Variants in TMPRSS2 observed in about 807,000 individuals in gnomAD.
TMPRSS2 encodes transmembrane protease serine 2.
A neutral mutation model predicts 67.4 loss-of-function variants in TMPRSS2; 59 were observed. The observed-to-expected ratio is 0.88, with a 90% confidence interval of 0.71 to 1.09. TMPRSS2 has a LOEUF of 1.09. Ranked by LOEUF, TMPRSS2 falls within the 50% of genes least tolerant of loss-of-function variation. The pLI, the probability that TMPRSS2 is intolerant of heterozygous loss-of-function variation, is 0.00. For synonymous variants in TMPRSS2, 257 were observed against 257.0 expected, an observed-to-expected ratio of 1.00 and a Z score of 0.00; for missense variants, 668 against 642.7, an observed-to-expected ratio of 1.04 and a Z score of -0.43.
intron 13 of TMPRSS2, among the ~76,000 whole-genome samples, chr21:41,467,388 C>CA (rs1216161241): frequency 0.051 from 5,807 of 113,692 alleles, 402 homozygotes; most frequent in African/African-American, 0.17. Context: ...GACTCCATCT[C>CA]AAAAAAAAAA....
At chr21:41,481,960 C>A (rs1015418937) in intron 5 of TMPRSS2, among the ~76,000 whole-genome samples, 10 of 152,014 alleles carry the variant, frequency 6.6e-5, no homozygotes, top group African/African-American at 1.9e-4. Flanking sequence ...ACTTGGGAGG[C>A]TGAGGCAGGG....
intron 5 of TMPRSS2, among the ~76,000 whole-genome samples, chr21:41,482,549 C>G (rs1339286575): frequency 6.6e-6 from 1 of 152,204 alleles, no homozygotes; most frequent in Admixed American, 6.5e-5. Flanking sequence ...TATGCTCTAG[C>G]CTCTCTTCTT....
At chr21:41,479,889 C>T (rs1192406503) in intron 6 of TMPRSS2, among the ~76,000 whole-genome samples, 1 of 152,148 alleles carries the variant, frequency 6.6e-6, no homozygotes, top group Non-Finnish European at 1.5e-5. Flanking sequence ...GTAACCACCG[C>T]CCCACCCCCG....
chr21:41,483,571 C>G (rs1456935408), intron 5 of TMPRSS2, among the ~76,000 whole-genome samples: 1 of 143,354 alleles, frequency 7.0e-6, no homozygotes, highest in Non-Finnish European at 1.5e-5. Context: ...GCGGGGATTA[C>G]AGGCGTGAGC....
At chr21:41,481,745 G>A (rs1014952523) in intron 5 of TMPRSS2, among the ~76,000 whole-genome samples, 1 of 151,926 alleles carries the variant, frequency 6.6e-6, no homozygotes, top group African/African-American at 2.4e-5. Context: ...ACATAAATTA[G>A]ATCTCAATAA....
intron 5 of TMPRSS2, among the ~76,000 whole-genome samples, chr21:41,484,408 A>G (rs942233658): frequency 1.3e-5 from 2 of 152,198 alleles, no homozygotes; most frequent in Non-Finnish European, 2.9e-5. Context: ...GTGTTAAAAT[A>G]TGCGCACACA....
At chr21:41,467,368 GAC>G (rs2091093788) in intron 13 of TMPRSS2, among the ~76,000 whole-genome samples, 1 of 148,776 alleles carries the variant, frequency 6.7e-6, no homozygotes, top group African/African-American at 2.5e-5. Flanking sequence ...CAGCCTGGGC[GAC>G]ACAGTGAGAC....
chr21:41,494,687 A>G, intron 2 of TMPRSS2, 109 bp from the exon 3 acceptor site: 1 of 1,038,418 alleles, frequency 9.6e-7, no homozygotes, highest in Non-Finnish European at 1.5e-6. Context: ...TTTTAAATTG[A>G]TAATGTTTTT....
chr21:41,500,374 C>T lies in TMPRSS2; in HGVS notation c.-56-2185G>A, dbSNP rs368646465. 7.2e-5 allele frequency among the ~76,000 whole-genome samples: 11 copies of T among 152,310 alleles called. No homozygotes were observed. In the South Asian group the frequency reaches 1.4e-3, roughly 20 times the overall value. ...GAAGGAAAAGAGGGCTGTCTTGATTCGCAGGTTTGCCTTCGGTAAGTATTC... is the reference window on the plus strand; with the variant it reads ...GAAGGAAAAGAGGGCTGTCTTGATTTGCAGGTTTGCCTTCGGTAAGTATTC... On this transcript the variant is annotated intron_variant, in intron 1 of 13. Coordinates refer to ENST00000332149, the MANE Select transcript of TMPRSS2 (RefSeq NM_005656.4).
At chr21:41,506,296 G>A (rs2146516040) in intron 1 of TMPRSS2, 1 of 152,402 alleles carries the variant, frequency 6.6e-6, no homozygotes, top group African/African-American at 2.4e-5. Flanking sequence ...AGCCCAGCCA[G>A]CTCACCAGCT....
Position 41,471,885 on chromosome 21 carries a change from A to C in TMPRSS2, c.996T>G (p.Ile332Met), listed in dbSNP as rs961842260. Reference sequence around the variant, plus strand: ...TCTTGGAGTCATAATTTGGATGAGAAATCACTTTTTCTACTTGGTATCCGG... The same window carrying C: ...TCTTGGAGTCATAATTTGGATGAGACATCACTTTTTCTACTTGGTATCCGG... ...YGAGYQVEKV[I>M]SHPNYDSKTK... The change falls in exon 10 of 14, where the codon ATT becomes ATG. Residue 332 changes from isoleucine (I) to methionine (M), a missense_variant. Transcript: ENST00000332149. The C allele has an allele frequency of 1.2e-6, 2 of 1,613,596 alleles. No individual in the cohort carries two copies. Among genetic ancestry groups the C allele is most frequent in the Non-Finnish European group, 1.7e-6 (2 of 1,179,890 alleles).
intron 1 of TMPRSS2, among the ~76,000 whole-genome samples, chr21:41,505,345 C>G (rs947541287): frequency 6.6e-6 from 1 of 152,166 alleles, no homozygotes; most frequent in Admixed American, 6.5e-5. Flanking sequence ...GGAATCTTGC[C>G]GCAGATTCAG....
Position 41,488,598 on chromosome 21 carries a change from G to A in TMPRSS2, c.326-85C>T. 5 of 1,442,348 alleles carry A rather than the reference G, an allele frequency of 3.5e-6. No individual in the cohort carries two copies. The South Asian group carries it at 5.0e-5, about 14-fold the overall frequency. The allele number at this position is 1,442,348 out of a possible 1,614,324, so 89.3% of individuals were successfully genotyped here. On this transcript the variant is annotated intron_variant, in intron 4 of 13. Coordinates refer to ENST00000332149, the MANE Select transcript of TMPRSS2 (RefSeq NM_005656.4). ...GAGTGAGGAACACCGTGGCATTACT[G>A]TAGCTCGCTGCAGCCTCCAACTCCT...
chr21:41,477,776 C>T (rs2091226041), intron 7 of TMPRSS2, among the ~76,000 whole-genome samples: 1 of 152,054 alleles, frequency 6.6e-6, no homozygotes, highest in South Asian at 2.1e-4. Flanking sequence ...GGTCACAGCG[C>T]CAGGGCACAT....
chr21:41,468,212 T>G, intron 12 of TMPRSS2, 184 bp downstream of exon 12: 1 of 709,278 alleles, frequency 1.4e-6, no homozygotes. Context: ...TGTGATTTGT[T>G]GACTGTACTT....
At chr21:41,500,014 G>C (rs429524) in intron 1 of TMPRSS2, among the ~76,000 whole-genome samples, 132,611 of 152,204 alleles carry the variant, frequency 0.87, 57,972 homozygotes, top group African/African-American at 0.95. Flanking sequence ...CTGTGACATG[G>C]CCACAGAAGA....
chr21:41,508,139 T>G lies in TMPRSS2; in HGVS notation c.-115A>C. The G allele has an allele frequency of 2.3e-6, 2 of 852,884 alleles. No individual in the cohort carries two copies. The highest frequency in any genetic ancestry group is 3.2e-6 in the Non-Finnish European group (2 of 623,510). The allele number at this position is 852,884 out of a possible 1,614,324, so 52.8% of individuals were successfully genotyped here. A position where few individuals can be genotyped will look rare whatever the true frequency, so the allele number is the denominator to read the frequency against. On this transcript the variant is annotated 5_prime_UTR_variant, in exon 1 of 14. Transcript: ENST00000332149. ...GCCCTCCGCCTCCGCCTCCGCCTCCTGCTTAGCTCGCGCCTACTCGGCCCG... is the reference window on the plus strand; with the variant it reads ...GCCCTCCGCCTCCGCCTCCGCCTCCGGCTTAGCTCGCGCCTACTCGGCCCG...
At chr21:41,492,863 G>A (rs974783110) in intron 3 of TMPRSS2, among the ~76,000 whole-genome samples, 1 of 152,132 alleles carries the variant, frequency 6.6e-6, no homozygotes, top group African/African-American at 2.4e-5. Context: ...TTCAGGAGAG[G>A]GCCTTCACTG....
At chr21:41,495,054 C>T (rs1303562280) in intron 2 of TMPRSS2, among the ~76,000 whole-genome samples, 4 of 125,556 alleles carry the variant, frequency 3.2e-5, no homozygotes, top group African/African-American at 1.3e-4. Context: ...GGCGACAGAG[C>T]AAGACTATGT....
Sources: gnomAD v4.1 joint callset for allele counts (sites outside exome capture counted in the v4.1 genomes callset) on GRCh38, gnomAD v4.1.1 for gene constraint, MANE v1.5 for transcripts, NCBI Gene and HGNC (gene_info 2026-07-23, HGNC 2026-07-21) for gene names.